MEX3C: variants seen among roughly 807,000 people sequenced by gnomAD.
MEX3C encodes mex-3 RNA binding family member C.
In MEX3C, 15 loss-of-function variants were observed where a neutral mutation model predicts 35.5. That is an observed-to-expected ratio of 0.42 (90% CI 0.28 to 0.65). The LOEUF is 0.65. Ranked by LOEUF, MEX3C falls within the 30% of genes least tolerant of loss-of-function variation. The probability of loss-of-function intolerance (pLI) is 0.20; values close to 1 mark genes in which losing one functional copy is unlikely to be tolerated. For missense variants in MEX3C, 711 were observed against 842.8 expected (o/e 0.84, Z 1.94); for synonymous variants, 390 against 352.8 (o/e 1.11, Z -1.18).
At chr18:51,184,823 C>T (rs1184653018) in intron 1 of MEX3C, among the ~76,000 whole-genome samples, 2 of 151,422 alleles carry the variant, frequency 1.3e-5, no homozygotes, top group South Asian at 4.2e-4. Context: ...CGTGCCACTG[C>T]ATTCAAGCCT....
intron 1 of MEX3C, among the ~76,000 whole-genome samples, chr18:51,185,718 A>C (rs1197328384): frequency 6.6e-6 from 1 of 152,138 alleles, no homozygotes; most frequent in Non-Finnish European, 1.5e-5. Context: ...GGGTCAGGAA[A>C]GGTTTGAGGA....
intron 1 of MEX3C, among the ~76,000 whole-genome samples, chr18:51,182,934 C>T (rs1190254549): frequency 6.6e-6 from 1 of 152,196 alleles, no homozygotes; most frequent in Non-Finnish European, 1.5e-5. Flanking sequence ...TTTAAAACCA[C>T]TAGACAACAT....
At position 51,197,590 on chromosome 18, in the gene MEX3C, G is replaced by A. The variant is rs1203870863; in HGVS notation, c.-270C>T. Among the ~76,000 whole-genome samples, 5 of 151,340 alleles carry A rather than the reference G, an allele frequency of 3.3e-5. No individual in the cohort carries two copies. Among genetic ancestry groups the A allele is most frequent in the Non-Finnish European group, 7.4e-5 (5 of 67,700 alleles). The stretch of plus-strand genomic sequence containing the variant: ...GGGCGGGCTGGTGGAGGTGGCAGCG[G>A]CTCCCCTCTCAGTGTTTCTTTTGTT... On this transcript the variant is annotated 5_prime_UTR_variant, in exon 1 of 2. Coordinates refer to ENST00000406189, the MANE Select transcript of MEX3C (RefSeq NM_016626.5).
intron 1 of MEX3C, among the ~76,000 whole-genome samples, chr18:51,186,862 T>C (rs1260744557): frequency 6.6e-6 from 1 of 152,216 alleles, no homozygotes; most frequent in Non-Finnish European, 1.5e-5. Context: ...ATACATTAGC[T>C]ACAAATACAA....
intron 1 of MEX3C, among the ~76,000 whole-genome samples, chr18:51,182,956 C>A (rs2144551389): frequency 6.6e-6 from 1 of 152,316 alleles, no homozygotes; most frequent in East Asian, 1.9e-4. Context: ...ACCTTTAAGG[C>A]CACTTTCTAG....
intron 1 of MEX3C, among the ~76,000 whole-genome samples, chr18:51,188,595 C>T (rs1243314505): frequency 2.9e-5 from 1 of 34,932 alleles, no homozygotes; most frequent in Non-Finnish European, 5.6e-5. Flanking sequence ...GAGACCCTGT[C>T]TCAAAAAAAA....
chr18:51,183,139 A>G (rs1308812096), intron 1 of MEX3C, among the ~76,000 whole-genome samples: 3 of 152,222 alleles, frequency 2.0e-5, no homozygotes, highest in African/African-American at 4.8e-5. Flanking sequence ...ATGGTCACCT[A>G]AAGTAGCTTG....
chr18:51,192,194 G>C (rs1212381421), intron 1 of MEX3C, among the ~76,000 whole-genome samples: 1 of 151,976 alleles, frequency 6.6e-6, no homozygotes, highest in African/African-American at 2.4e-5. Context: ...TGGTAACCAA[G>C]GGGTACAAAA....
At chr18:51,188,265 A>C (rs1384945981) in intron 1 of MEX3C, among the ~76,000 whole-genome samples, 1 of 152,180 alleles carries the variant, frequency 6.6e-6, no homozygotes, top group Admixed American at 6.6e-5. Context: ...CTGTACTTCA[A>C]ACAAAAGTGC....
chr18:51,178,720 C>T (rs1366912066), intron 1 of MEX3C, among the ~76,000 whole-genome samples: 3 of 151,620 alleles, frequency 2.0e-5, no homozygotes, highest in Non-Finnish European at 2.9e-5. Context: ...ATTAGCTGGG[C>T]GTGGTGGTGC....
Position 51,196,239 on chromosome 18 carries a change from G to C in MEX3C, c.754+328C>G, listed in dbSNP as rs1457562223. 3 of 418,036 alleles carry C rather than the reference G, an allele frequency of 7.2e-6. No individual in the cohort carries two copies. The East Asian group carries it at 1.6e-4, about 22-fold the overall frequency. 25.9% of individuals were successfully genotyped at this position (418,036 alleles called of 1,614,324 possible). On this transcript the variant is annotated intron_variant, in intron 1 of 1. Coordinates refer to ENST00000406189, the MANE Select transcript of MEX3C (RefSeq NM_016626.5). Reference sequence around the variant, plus strand: ...CCCAACAGCGAACCCACAACTCCTCGAGCCCGACCTTTTACCACCTCACTG... The same window carrying C: ...CCCAACAGCGAACCCACAACTCCTCCAGCCCGACCTTTTACCACCTCACTG...
rs80157602 is a variant in MEX3C, at chr18:51,189,392, A to G, written c.754+7175T>C. ...GGAAAACCGAAGCCTAAAATTGTCC[A>G]GTTATAAACTAGTGACCCCTAAACC... On this transcript the variant is annotated intron_variant, in intron 1 of 1. Transcript: ENST00000406189. Among the ~76,000 whole-genome samples the G allele has an allele frequency of 5.3e-3, 804 of 152,294 alleles. 9 individuals are homozygous for G. The highest frequency in any genetic ancestry group is 0.018 in the African/African-American group (763 of 41,564).
intron 1 of MEX3C, among the ~76,000 whole-genome samples, chr18:51,180,187 C>CA (rs1912393894): frequency 6.6e-6 from 1 of 152,194 alleles, no homozygotes; most frequent in Admixed American, 6.5e-5. Flanking sequence ...AAGCAACTGT[C>CA]AGTCACACCC....
At chr18:51,179,958 A>G (rs1439743158) in intron 1 of MEX3C, among the ~76,000 whole-genome samples, 2 of 152,338 alleles carry the variant, frequency 1.3e-5, no homozygotes, top group African/African-American at 2.4e-5. Flanking sequence ...TACATTCCTA[A>G]CAAGAGACAG....
At position 51,196,836 on chromosome 18, in the gene MEX3C, A is replaced by T. The variant is rs1483342748; in HGVS notation, c.485T>A (p.Leu162Gln). 2 of 1,535,330 alleles carry T rather than the reference A, an allele frequency of 1.3e-6. No individual in the cohort carries two copies. The highest frequency in any genetic ancestry group is 5.0e-5 in the East Asian group (2 of 40,242). Residue 162 changes from leucine (L) to glutamine (Q), a missense_variant, in exon 1 of 2, where the codon CTG (leucine) becomes CAG (glutamine). By Grantham distance (113) the Leu-to-Gln change is moderately radical. Around this residue, in one of 4 missense-constraint regions of MEX3C, gnomAD observed 354 missense variants for 311.6 expected, o/e 1.14. Coordinates refer to ENST00000406189, the MANE Select transcript of MEX3C (RefSeq NM_016626.5). Reference protein sequence around the residue: ...SQTQQIPGGSLGSVLLPAARF... With the variant: ...SQTQQIPGGSQGSVLLPAARF... ...GGCGGCTGGCAGCAGCACAGACCCC[A>T]GGGACCCGCCCGGGATCTGCTGGGT... is the stretch of plus-strand genomic sequence containing the variant.
intron 1 of MEX3C, among the ~76,000 whole-genome samples, chr18:51,180,639 G>A (rs1055473133): frequency 5.3e-5 from 8 of 152,000 alleles, no homozygotes; most frequent in Non-Finnish European, 7.4e-5. Context: ...CACCACACCC[G>A]GGTAATTTTT....
chr18:51,184,116 C>T (rs1847962993), intron 1 of MEX3C, among the ~76,000 whole-genome samples: 1 of 152,050 alleles, frequency 6.6e-6, no homozygotes, highest in South Asian at 2.1e-4. Context: ...CTATGGTGAC[C>T]CCAAGGCAAG....
At chr18:51,184,407 C>T (rs1912491061) in intron 1 of MEX3C, among the ~76,000 whole-genome samples, 1 of 152,166 alleles carries the variant, frequency 6.6e-6, no homozygotes, top group African/African-American at 2.4e-5. Flanking sequence ...TTAGCAGTAA[C>T]TGTTACAAAG....
At chr18:51,180,044 G>T (rs1912390811) in intron 1 of MEX3C, among the ~76,000 whole-genome samples, 1 of 151,948 alleles carries the variant, frequency 6.6e-6, no homozygotes, top group Non-Finnish European at 1.5e-5. Context: ...TCTAGGGTTG[G>T]TCCCTTTCAT....
Sources: allele counts gnomAD v4.1 joint callset (sites outside exome capture counted in the v4.1 genomes callset), GRCh38; gene constraint gnomAD v4.1.1; regional missense constraint gnomAD v4.1.1; transcripts MANE v1.5; gene names NCBI Gene and HGNC (gene_info 2026-07-23, HGNC 2026-07-21).